The following PLEKHH1 variants were observed in gnomAD, a reference collection of about 807,000 sequenced individuals.
PLEKHH1 encodes the protein pleckstrin homology domain-containing family H member 1.
A neutral mutation model predicts 160.0 loss-of-function variants in PLEKHH1; 104 were observed. The ratio of observed to expected loss-of-function variants is 0.65; its 90% CI spans 0.55 to 0.76. The LOEUF is 0.76. Among genes scored for constraint, PLEKHH1 ranks in the 30% least tolerant of loss-of-function variants. The pLI, the probability that PLEKHH1 is intolerant of heterozygous loss-of-function variation, is 0.00. For synonymous variants in PLEKHH1, 619 were observed against 678.4 expected (o/e 0.91, Z 1.36); for missense variants, 1,427 against 1,724.1 (o/e 0.83, Z 3.05).
In PLEKHH1 at chr14:67,574,267, A is replaced by G. The variant is rs377544492; in HGVS notation, c.1952A>G (p.Tyr651Cys). The G allele has an allele frequency of 7.5e-6, 12 of 1,607,018 alleles. No individual in the cohort carries two copies. The highest frequency in any genetic ancestry group is 6.7e-5 in the East Asian group (3 of 44,680). The change falls in exon 14 of 29, where the codon TAC becomes TGC. Residue 651 changes from tyrosine (Y) to cysteine (C), a missense_variant. Transcript: ENST00000329153. This position sits in a 1 kb window ranked among gnomAD's most constrained non-coding sequence, Gnocchi z 4.2. ...FQLISEKKTY[Y>C]LTADSPSLLE... ...CTCATCTCTGAGAAGAAAACCTACT[A>G]CCTGACGGCCGATTCACCCAGCCTG...
chr14:67,558,987 G>A (rs1485617972), intron 4 of PLEKHH1, among the ~76,000 whole-genome samples: 1 of 152,216 alleles, frequency 6.6e-6, no homozygotes, highest in Non-Finnish European at 1.5e-5. Context: ...GTGGCCTGAA[G>A]GCCATTGTTT....
chr14:67,547,749 C>G (rs535317753), intron 2 of PLEKHH1, among the ~76,000 whole-genome samples: 2 of 152,338 alleles, frequency 1.3e-5, no homozygotes, highest in Admixed American at 6.5e-5. Context: ...CCTACCTTGA[C>G]ACAGTCTACT....
At chr14:67,559,963 G>A (rs1213682266) in intron 5 of PLEKHH1, among the ~76,000 whole-genome samples, 1 of 152,066 alleles carries the variant, frequency 6.6e-6, no homozygotes, top group Non-Finnish European at 1.5e-5. Context: ...AGCCCCCTCA[G>A]TTTCTTTCTA....
chr14:67,567,817 C>T (rs1279859711), intron 7 of PLEKHH1, among the ~76,000 whole-genome samples: 1 of 152,226 alleles, frequency 6.6e-6, no homozygotes. Context: ...ACAGGGCATT[C>T]CTCCAAAGGC....
At position 67,584,124 on chromosome 14, in the gene PLEKHH1, G is replaced by A. The variant is rs1272099231; in HGVS notation, c.3699G>A (p.Gln1233=). ...PFFGAKLFAA[Q]PAQLSSKENA... is the part of the protein sequence containing the mutation. Reference sequence around the variant, plus strand: ...TTGGTGCTAAACTTTTTGCTGCTCAGGTAAGTGCCAGTGGAAGGAGCTGCC... The same window carrying A: ...TTGGTGCTAAACTTTTTGCTGCTCAAGTAAGTGCCAGTGGAAGGAGCTGCC... The change falls in exon 26 of 29, where the codon CAG becomes CAA. Residue 1233 remains glutamine (Q), a splice_region_variant and synonymous_variant. Coordinates refer to ENST00000329153, the MANE Select transcript of PLEKHH1 (RefSeq NM_020715.3). 1 of 1,612,914 alleles carries A rather than the reference G, an allele frequency of 6.2e-7. No homozygotes were observed.
chr14:67,546,844 C>G (rs2034202085), intron 2 of PLEKHH1, among the ~76,000 whole-genome samples: 1 of 152,166 alleles, frequency 6.6e-6, no homozygotes, highest in Admixed American at 6.5e-5. Context: ...GCCTGGGTGA[C>G]ACAGCAAAAT....
intron 23 of PLEKHH1, chr14:67,581,804 C>G: frequency 2.5e-6 from 1 of 405,476 alleles, no homozygotes. Context: ...ACTCCAGGTA[C>G]CAGATTTCCC....
intron 18 of PLEKHH1, 39 bp from the exon 19 acceptor site, chr14:67,577,984 G>A: frequency 1.3e-6 from 2 of 1,585,348 alleles, no homozygotes; most frequent in Non-Finnish European, 1.7e-6. Flanking sequence ...GAACCCAGGG[G>A]ATGCTGGTCT....
chr14:67,586,571 C>A, intron 28 of PLEKHH1: 2 of 513,836 alleles, frequency 3.9e-6, no homozygotes, highest in Non-Finnish European at 6.9e-6. Flanking sequence ...ACCTCTTTTG[C>A]TTTAGTGACT....
chr14:67,567,485 G>C (rs1448851708), intron 7 of PLEKHH1, among the ~76,000 whole-genome samples: 1 of 151,918 alleles, frequency 6.6e-6, no homozygotes, highest in Admixed American at 6.6e-5. Context: ...TGACCACTCT[G>C]GGCAGAAATA....
At position 67,579,716 on chromosome 14, in the gene PLEKHH1, C is replaced by A. The variant is rs1408381383; in HGVS notation, c.3028-5C>A. ...CTCAGGGTTGGAACTCTTCTCCCGC[C>A]TCAGGTGGTTGGTTTTGACGGCTCT... On this transcript the variant is annotated splice_polypyrimidine_tract_variant and splice_region_variant and intron_variant, in intron 21 of 28. Coordinates refer to ENST00000329153, the MANE Select transcript of PLEKHH1 (RefSeq NM_020715.3). 7.4e-6 allele frequency: 12 copies of A among 1,611,950 alleles called. No individual in the cohort carries two copies. Among genetic ancestry groups the A allele is most frequent in the Non-Finnish European group, 7.6e-6 (9 of 1,179,174 alleles).
intron 28 of PLEKHH1, 140 bp from the exon 29 acceptor site, chr14:67,586,934 G>A (rs1190734041): frequency 6.5e-7 from 1 of 1,542,898 alleles, no homozygotes; most frequent in Non-Finnish European, 8.7e-7. Flanking sequence ...GATTCCCTTT[G>A]GATATTTTCT....
At chr14:67,584,878 G>A (rs1426941606) in intron 26 of PLEKHH1, among the ~76,000 whole-genome samples, 1 of 152,176 alleles carries the variant, frequency 6.6e-6, no homozygotes, top group Non-Finnish European at 1.5e-5. Context: ...AAGATGTACA[G>A]AGGTGTTATA....
chr14:67,572,185 G>C lies in PLEKHH1; in HGVS notation c.1636G>C (p.Asp546His). ...CGAGGGTGACTACGCCATCCCCCCG[G>C]ACGCCTGCTCACTGGACAGTGACTA... is the stretch of plus-strand genomic sequence containing the variant. ...SSEGDYAIPP[D>H]ACSLDSDYSE... The change falls in exon 11 of 29, where the codon GAC becomes CAC. Residue 546 changes from aspartate (D) to histidine (H), a missense_variant. Transcript: ENST00000329153. 6.2e-7 allele frequency: 1 copy of C among 1,608,412 alleles called. No individual in the cohort carries two copies. The highest frequency in any genetic ancestry group is 8.5e-7 in the Non-Finnish European group (1 of 1,177,664).
At chr14:67,560,601 C>T (rs2034791756) in intron 5 of PLEKHH1, among the ~76,000 whole-genome samples, 1 of 152,094 alleles carries the variant, frequency 6.6e-6, no homozygotes, top group Non-Finnish European at 1.5e-5. Context: ...TAGTTTATCA[C>T]GTGCTGTACC....
rs746862506 is a variant in PLEKHH1, at chr14:67,562,680, C to G, written c.1049C>G (p.Thr350Ser). 3.1e-6 allele frequency: 5 copies of G among 1,612,340 alleles called. No individual in the cohort carries two copies. In the African/African-American group the frequency reaches 5.3e-5, roughly 17 times the overall value. The change falls in exon 7 of 29, where the codon ACT (threonine) becomes AGT (serine). Residue 350 changes from threonine to serine, a missense_variant. Thr to Ser is a moderately conservative substitution (Grantham distance 58). Transcript: ENST00000329153. The part of the protein sequence containing the change: ...GHFGRVVNIE[T>S]EAFSALHPSG... ...TTTGGCCGTGTGGTGAACATTGAGA[C>G]TGAGGCCTTCTCAGCCCTCCACCCC...
Position 67,587,365 on chromosome 14 carries a change from T to C in PLEKHH1, c.*130T>C. On this transcript the variant is annotated 3_prime_UTR_variant, in exon 29 of 29. Transcript: ENST00000329153. ...CTCTTGTTCTGTGAAATGTGTATTTTAGTCTCTGTGAAGCCTTTACTCTCT... is the reference window on the plus strand; with the variant it reads ...CTCTTGTTCTGTGAAATGTGTATTTCAGTCTCTGTGAAGCCTTTACTCTCT... The C allele has an allele frequency of 2.8e-6, 3 of 1,089,020 alleles. No individual in the cohort carries two copies. The highest frequency in any genetic ancestry group is 4.2e-6 in the Non-Finnish European group (3 of 716,058). The allele number at this position is 1,089,020 out of a possible 1,614,324, so 67.5% of individuals were successfully genotyped here.
chr14:67,557,355 G>A lies in PLEKHH1; in HGVS notation c.276G>A (p.Leu92=), dbSNP rs2034636400. 6.8e-6 allele frequency: 11 copies of A among 1,613,826 alleles called. No individual in the cohort carries two copies. The highest frequency in any genetic ancestry group is 9.3e-6 in the Non-Finnish European group (11 of 1,179,840). ...GCCTGCACCGGAAATACCAAGAATT[G>A]CTGAAAGCCATAAAGGGCAAAGATG... is the stretch of plus-strand genomic sequence containing the variant. ...EGSLHRKYQE[L]LKAIKGKDEL... The change falls in exon 4 of 29, where the codon TTG becomes TTA. Residue 92 remains leucine (L), a synonymous_variant. Transcript: ENST00000329153.
At chr14:67,560,399 A>AT (rs2034783814) in intron 5 of PLEKHH1, among the ~76,000 whole-genome samples, 1 of 152,196 alleles carries the variant, frequency 6.6e-6, no homozygotes, top group African/African-American at 2.4e-5. Context: ...AAAATGTACC[A>AT]TTTAAGTGTA....
Sources: allele counts gnomAD v4.1 joint callset (sites outside exome capture counted in the v4.1 genomes callset), GRCh38; gene constraint gnomAD v4.1.1; non-coding constraint Gnocchi (gnomAD v3.1); transcripts MANE v1.5; gene names NCBI Gene and HGNC (gene_info 2026-07-23, HGNC 2026-07-21).